The following NHSL2 variants were observed in gnomAD, a reference collection of about 807,000 sequenced individuals.
The protein encoded by NHSL2 is NHS-like protein 2.
NHSL2 carries 27 observed loss-of-function variants against 53.4 expected under a neutral mutation model. That is an observed-to-expected ratio of 0.51 (90% CI 0.37 to 0.70). The LOEUF (loss-of-function observed/expected upper bound fraction) is 0.70. Ranked by LOEUF, NHSL2 falls within the 30% of genes least tolerant of loss-of-function variation. The pLI, the probability that NHSL2 is intolerant of heterozygous loss-of-function variation, is 0.00. For missense variants in NHSL2, 892 were observed against 980.1 expected, an observed-to-expected ratio of 0.91 and a Z score of 1.20; for synonymous variants, 408 against 404.1, an observed-to-expected ratio of 1.01 and a Z score of -0.12.
At chrX:72,091,507 T>C (rs1034701077) in intron 1 of NHSL2, among the ~76,000 whole-genome samples, 1 of 112,142 alleles carries the variant, frequency 8.9e-6, no homozygotes, top group Non-Finnish European at 1.9e-5. Flanking sequence ...AAAGAAGTTG[T>C]TTCAGTTGAC....
At chrX:71,990,690 C>T (rs1284403950) in intron 1 of NHSL2, among the ~76,000 whole-genome samples, 1 of 112,036 alleles carries the variant, frequency 8.9e-6, no homozygotes, top group Non-Finnish European at 1.9e-5. Flanking sequence ...ACTGGCCTGG[C>T]CCCAATCCAT....
chrX:71,937,420 A>C (rs942124967), intron 1 of NHSL2, among the ~76,000 whole-genome samples: 2 of 111,856 alleles, frequency 1.8e-5, no homozygotes, highest in African/African-American at 6.5e-5. Flanking sequence ...GTGTCCTTGA[A>C]TGGACAGGTT....
At position 71,989,176 on chromosome X, in the gene NHSL2, C is replaced by A. The variant is rs374108392; in HGVS notation, c.280+77809C>A. ...AACACTTGGTCCTTATTTTGAAAGACCTTGTCTTTAAAAATACAAAAAATT... is the reference window on the plus strand; with the variant it reads ...AACACTTGGTCCTTATTTTGAAAGAACTTGTCTTTAAAAATACAAAAAATT... On this transcript the variant is annotated intron_variant, in intron 1 of 7. Coordinates refer to ENST00000633930, the MANE Select transcript of NHSL2 (RefSeq NM_001013627.3). Among the ~76,000 whole-genome samples the A allele has an allele frequency of 2.7e-5, 3 of 110,059 alleles. No individual in the cohort carries two copies. In the East Asian group the frequency reaches 8.6e-4, roughly 32 times the overall value.
At chrX:72,075,389 T>G (rs1476666081) in intron 1 of NHSL2, among the ~76,000 whole-genome samples, 2 of 112,544 alleles carry the variant, frequency 1.8e-5, no homozygotes, top group African/African-American at 6.5e-5. Context: ...TCACACCCAG[T>G]TGACAACAAA....
intron 1 of NHSL2, among the ~76,000 whole-genome samples, chrX:71,943,752 TG>T (rs984225406): frequency 8.9e-5 from 10 of 112,673 alleles, no homozygotes; most frequent in Non-Finnish European, 1.7e-4. Context: ...GAGGTATAAC[TG>T]GGTATACTTT....
intron 1 of NHSL2, among the ~76,000 whole-genome samples, chrX:71,954,665 G>A (rs984333944): frequency 9.0e-6 from 1 of 111,448 alleles, no homozygotes; most frequent in African/African-American, 3.3e-5. Context: ...TGCCTTCTGC[G>A]CCCTGACCCT....
At chrX:71,953,536 A>G (rs1432110714) in intron 1 of NHSL2, among the ~76,000 whole-genome samples, 1 of 111,752 alleles carries the variant, frequency 8.9e-6, no homozygotes, top group African/African-American at 3.3e-5. Flanking sequence ...GTAGCCCCCA[A>G]GTGACTGAAG....
chrX:71,954,799 A>G (rs752355339), intron 1 of NHSL2, among the ~76,000 whole-genome samples: 78 of 112,613 alleles, frequency 6.9e-4, no homozygotes, highest in Non-Finnish European at 1.2e-3. Flanking sequence ...GAGGGGGACC[A>G]GGGTTACCCT....
chrX:72,143,162 G>A (rs1036801380), intron 7 of NHSL2, 91 bp from the exon 8 acceptor site: 4 of 621,361 alleles, frequency 6.4e-6, no homozygotes, highest in Admixed American at 3.9e-5. Flanking sequence ...CAGGGCTGCC[G>A]CCTGGATTGT....
At chrX:72,065,286 T>G (rs2042421779) in intron 1 of NHSL2, among the ~76,000 whole-genome samples, 1 of 111,848 alleles carries the variant, frequency 8.9e-6, no homozygotes, top group African/African-American at 3.2e-5. Flanking sequence ...TGCAAGGCCC[T>G]CCACAAGGCA....
chrX:72,099,340 C>G (rs1263159976), intron 1 of NHSL2, among the ~76,000 whole-genome samples: 1 of 109,873 alleles, frequency 9.1e-6, no homozygotes. Context: ...AATTTTGGCA[C>G]CAGTATCCCC....
intron 1 of NHSL2, among the ~76,000 whole-genome samples, chrX:72,038,244 C>A (rs966005387): frequency 1.2e-4 from 13 of 112,248 alleles, no homozygotes; most frequent in Admixed American, 7.5e-4. Flanking sequence ...AATCCCTATG[C>A]CCGCTGTGCA....
At chrX:71,912,032 A>T (rs951585219) in intron 1 of NHSL2, among the ~76,000 whole-genome samples, 1 of 111,986 alleles carries the variant, frequency 8.9e-6, no homozygotes, top group South Asian at 3.7e-4. Context: ...CTGACCCCCT[A>T]CCCACTACCG....
chrX:71,919,300 C>T (rs1251346303), intron 1 of NHSL2, among the ~76,000 whole-genome samples: 1 of 111,930 alleles, frequency 8.9e-6, no homozygotes, highest in Non-Finnish European at 1.9e-5. Flanking sequence ...CACAGTTCCT[C>T]ATCTGTAAAA....
chrX:71,936,660 G>A (rs1376938130), intron 1 of NHSL2, among the ~76,000 whole-genome samples: 1 of 112,270 alleles, frequency 8.9e-6, no homozygotes, highest in Admixed American at 9.4e-5. Flanking sequence ...AAACTTTAAA[G>A]CCCCTGAACT....
chrX:71,949,262 T>C (rs1652765262), intron 1 of NHSL2, among the ~76,000 whole-genome samples: 1 of 111,017 alleles, frequency 9.0e-6, no homozygotes, highest in East Asian at 2.8e-4. Context: ...AAAAGTAGCA[T>C]AGAGGGGCTG....
chrX:71,974,229 A>T (rs1475069152), intron 1 of NHSL2, among the ~76,000 whole-genome samples: 2 of 111,789 alleles, frequency 1.8e-5, no homozygotes, highest in Non-Finnish European at 3.8e-5. Context: ...GTGGAAAAAA[A>T]TTTTTTGGTG....
chrX:72,008,586 G>A lies in NHSL2; in HGVS notation c.280+97219G>A, dbSNP rs748099395. On this transcript the variant is annotated intron_variant, in intron 1 of 7. Transcript: ENST00000633930. ...TTGAATTGAACCTTGGCACAGAGTT[G>A]TATGTCCCACACATGTGATAGGGTA... Among the ~76,000 whole-genome samples the A allele has an allele frequency of 1.1e-4, 12 of 112,243 alleles. No individual in the cohort carries two copies. The East Asian group carries it at 3.4e-3, about 31-fold the overall frequency.
intron 4 of NHSL2, among the ~76,000 whole-genome samples, chrX:72,135,052 TTC>T (rs1252454028): frequency 4.5e-5 from 5 of 112,133 alleles, no homozygotes; most frequent in African/African-American, 1.6e-4. Flanking sequence ...GCAAGACAAC[TTC>T]TTGTGCCCAG....
Sources: allele counts gnomAD v4.1 joint callset (sites outside exome capture counted in the v4.1 genomes callset), GRCh38; gene constraint gnomAD v4.1.1; transcripts MANE v1.5; gene names NCBI Gene and HGNC (gene_info 2026-07-23, HGNC 2026-07-21).